The following TSNARE1 variants were observed in gnomAD, a reference collection of about 807,000 sequenced individuals.
TSNARE1 encodes t-SNARE domain-containing protein 1.
In TSNARE1, 49 loss-of-function variants were observed where a neutral mutation model predicts 62.0. The ratio of observed to expected loss-of-function variants is 0.79; its 90% CI spans 0.63 to 1.00. The LOEUF is 1.00. Among genes scored for constraint, TSNARE1 ranks in the 50% least tolerant of loss-of-function variants. The pLI, the probability that TSNARE1 is intolerant of heterozygous loss-of-function variation, is 0.00. For missense variants in TSNARE1, 755 were observed against 700.1 expected (o/e 1.08, Z -0.88); for synonymous variants, 328 against 294.4 (o/e 1.11, Z -1.17).
At chr8:142,237,317 T>C (rs1817483536) in intron 12 of TSNARE1, among the ~76,000 whole-genome samples, 2 of 152,240 alleles carry the variant, frequency 1.3e-5, no homozygotes, top group Admixed American at 1.3e-4. Context: ...GCAGGAGTCT[T>C]GGCCTGTTCA....
At chr8:142,279,359 C>T (rs1821020997) in intron 11 of TSNARE1, among the ~76,000 whole-genome samples, 1 of 152,330 alleles carries the variant, frequency 6.6e-6, no homozygotes, top group African/African-American at 2.4e-5. Context: ...AAGATGGGGG[C>T]CTTGGAGGGC....
chr8:142,333,979 G>A (rs1025346366), intron 4 of TSNARE1, among the ~76,000 whole-genome samples: 2 of 152,172 alleles, frequency 1.3e-5, no homozygotes, highest in African/African-American at 4.8e-5. Context: ...GAATGAGGAT[G>A]AGTTAAATCA....
In TSNARE1 at chr8:142,273,846, C is replaced by T. The variant is rs924365488; in HGVS notation, c.1446+935G>A. 11 of 985,378 alleles carry T rather than the reference C, an allele frequency of 1.1e-5. No homozygotes were observed. In the African/African-American group the frequency reaches 1.2e-4, roughly 11 times the overall value. 61.0% of individuals were successfully genotyped at this position (985,378 alleles called of 1,614,324 possible). ...CCCTGAGGCAACTGAGGACCCTCTG[C>T]GGGCACAGCTGTGATATCCCAGCGT... On this transcript the variant is annotated intron_variant, in intron 12 of 13. Transcript: ENST00000524325.
chr8:142,318,268 G>C (rs1440616798), intron 7 of TSNARE1, among the ~76,000 whole-genome samples: 2 of 152,168 alleles, frequency 1.3e-5, no homozygotes, highest in African/African-American at 4.8e-5. Context: ...GAAGACCCAG[G>C]GTGCTCTTGT....
chr8:142,379,002 A>G (rs1372708651), intron 1 of TSNARE1, among the ~76,000 whole-genome samples: 1 of 152,130 alleles, frequency 6.6e-6, no homozygotes, highest in Admixed American at 6.5e-5. Flanking sequence ...GCACTCTCAT[A>G]GCTCCCTGGA....
intron 13 of TSNARE1, among the ~76,000 whole-genome samples, chr8:142,217,194 AG>A: frequency 6.6e-6 from 1 of 151,884 alleles, no homozygotes; most frequent in Non-Finnish European, 1.5e-5. Flanking sequence ...CAGTGAGCCG[AG>A]ATAGGGCCAC....
chr8:142,239,401 G>T (rs1254448702), intron 12 of TSNARE1, among the ~76,000 whole-genome samples: 2 of 152,184 alleles, frequency 1.3e-5, no homozygotes, highest in African/African-American at 4.8e-5. Flanking sequence ...AGTTGGAAGG[G>T]AGTAATCAGA....
intron 9 of TSNARE1, among the ~76,000 whole-genome samples, chr8:142,307,594 C>T (rs760842544): frequency 5.9e-5 from 9 of 152,058 alleles, no homozygotes; most frequent in Non-Finnish European, 8.8e-5. Flanking sequence ...GTTGTTCTGC[C>T]GTATTGTTTT....
intron 1 of TSNARE1, among the ~76,000 whole-genome samples, chr8:142,395,557 G>A (rs913251480): frequency 6.6e-6 from 1 of 152,258 alleles, no homozygotes. Context: ...GGAGCTGCCA[G>A]GAAGATCTGT....
intron 12 of TSNARE1, chr8:142,273,593 A>T: frequency 1.0e-6 from 1 of 985,372 alleles, no homozygotes; most frequent in Non-Finnish European, 1.2e-6. Flanking sequence ...ACCAGCTGTC[A>T]ACAGGGACTG....
chr8:142,298,198 G>C (rs965928740), intron 10 of TSNARE1, among the ~76,000 whole-genome samples: 1 of 152,258 alleles, frequency 6.6e-6, no homozygotes, highest in Non-Finnish European at 1.5e-5. Context: ...CCCTGGCCCA[G>C]GCCTCTCCAT....
Position 142,291,909 on chromosome 8 carries a change from A to G in TSNARE1, c.1291-7424T>C, listed in dbSNP as rs1823826446. Among the ~76,000 whole-genome samples the G allele has an allele frequency of 6.6e-6, 1 of 151,970 alleles. No homozygotes were observed. Among genetic ancestry groups the G allele is most frequent in the African/African-American group, 2.4e-5 (1 of 41,374 alleles). ...TGAGGAATGAGGGAGAGGACAGTCC[A>G]TTGGGAGTACGGGGTCAGCTGCCTC... is the stretch of plus-strand genomic sequence containing the variant. On this transcript the variant is annotated intron_variant, in intron 10 of 13. Coordinates refer to ENST00000524325, the MANE Select transcript of TSNARE1 (RefSeq NM_145003.5). This position sits in a 1 kb window ranked among gnomAD's most constrained non-coding sequence, Gnocchi z 4.8.
intron 9 of TSNARE1, among the ~76,000 whole-genome samples, chr8:142,304,389 A>C (rs1034707841): frequency 2.0e-5 from 3 of 152,186 alleles, no homozygotes; most frequent in African/African-American, 7.2e-5. Context: ...CAGGCATGCC[A>C]CGCCCTTCTC....
intron 1 of TSNARE1, among the ~76,000 whole-genome samples, chr8:142,359,620 C>G (rs1430158284): frequency 2.0e-5 from 3 of 152,146 alleles, no homozygotes; most frequent in Non-Finnish European, 2.9e-5. Context: ...AGGGAAATCT[C>G]CAAAAGAGAA....
chr8:142,339,837 C>T (rs1003566836), intron 4 of TSNARE1, among the ~76,000 whole-genome samples: 3 of 152,370 alleles, frequency 2.0e-5, no homozygotes, highest in East Asian at 3.9e-4. Flanking sequence ...GCGGCCCTGC[C>T]GTACAGCGCC....
At chr8:142,406,602 C>T (rs1379009293), upstream of TSNARE1, 2 of 152,280 alleles carry the variant, frequency 1.3e-5, no homozygotes, top group Non-Finnish European at 2.9e-5. Context: ...GGAGAAGAAA[C>T]TTTGGTCCTA....
At chr8:142,265,892 G>C (rs562380546) in intron 12 of TSNARE1, among the ~76,000 whole-genome samples, 1 of 152,304 alleles carries the variant, frequency 6.6e-6, no homozygotes, top group South Asian at 2.1e-4. Flanking sequence ...GGATCAAATT[G>C]TTGTGCACTT....
At chr8:142,221,788 TCCAC>T (rs1816247625) in intron 13 of TSNARE1, among the ~76,000 whole-genome samples, 1 of 33,406 alleles carries the variant, frequency 3.0e-5, no homozygotes, top group East Asian at 9.2e-4. Context: ...CACTCACTCA[TCCAC>T]TCATTCACTC....
intron 12 of TSNARE1, among the ~76,000 whole-genome samples, chr8:142,255,427 ACCACCACT>A (rs1480113198): frequency 2.9e-5 from 3 of 103,412 alleles, no homozygotes; most frequent in Non-Finnish European, 5.9e-5. Context: ...CATCACCACC[ACCACCACT>A]GTCACCATCA....
Sources: gnomAD v4.1 joint callset for allele counts (sites outside exome capture counted in the v4.1 genomes callset) on GRCh38, gnomAD v4.1.1 for gene constraint, Gnocchi (gnomAD v3.1) non-coding constraint, MANE v1.5 for transcripts, NCBI Gene and HGNC (gene_info 2026-07-23, HGNC 2026-07-21) for gene names.